The following ANKRD42 variants were observed in gnomAD, a reference collection of about 807,000 sequenced individuals.
ANKRD42 encodes ankyrin repeat domain-containing protein 42.
Under a neutral mutation model 51.5 loss-of-function variants are expected in ANKRD42, and 43 were observed. That is an observed-to-expected ratio of 0.83 (90% CI 0.65 to 1.08). The LOEUF (loss-of-function observed/expected upper bound fraction) is 1.08, where lower values mean the gene tolerates loss of function less well. Among genes scored for constraint, ANKRD42 ranks in the 50% least tolerant of loss-of-function variants. ANKRD42 has a pLI of 0.00. For synonymous variants in ANKRD42, 203 were observed against 213.0 expected (o/e 0.95, Z 0.41); for missense variants, 608 against 629.3 (o/e 0.97, Z 0.36).
chr11:83,217,637 C>G (rs1862583076), intron 5 of ANKRD42, among the ~76,000 whole-genome samples: 1 of 152,196 alleles, frequency 6.6e-6, no homozygotes, highest in Admixed American at 6.5e-5. Flanking sequence ...CCCTGGCCAC[C>G]CTCAGGCCTG....
intron 2 of ANKRD42, among the ~76,000 whole-genome samples, chr11:83,199,677 A>G (rs907193183): frequency 4.6e-5 from 7 of 152,172 alleles, no homozygotes; most frequent in Non-Finnish European, 7.3e-5. Flanking sequence ...GGCTTATTTT[A>G]GCTACATTTC....
At chr11:83,232,693 A>G (rs1166194654) in intron 7 of ANKRD42, among the ~76,000 whole-genome samples, 1 of 151,940 alleles carries the variant, frequency 6.6e-6, no homozygotes, top group Non-Finnish European at 1.5e-5. Flanking sequence ...GTGCTTTCAT[A>G]TTCACTATTA....
At chr11:83,201,588 A>G (rs1861873420) in intron 2 of ANKRD42, among the ~76,000 whole-genome samples, 1 of 152,238 alleles carries the variant, frequency 6.6e-6, no homozygotes, top group Non-Finnish European at 1.5e-5. Flanking sequence ...ACTGTCTTCC[A>G]CAATGGTTAA....
intron 7 of ANKRD42, among the ~76,000 whole-genome samples, chr11:83,229,668 T>C (rs987722112): frequency 2.0e-5 from 3 of 152,072 alleles, no homozygotes; most frequent in Non-Finnish European, 4.4e-5. Flanking sequence ...AATATAGATG[T>C]TGGAAGTTGG....
At chr11:83,253,652 C>G (rs1174945888), downstream of ANKRD42, among the ~76,000 whole-genome samples, 1 of 152,266 alleles carries the variant, frequency 6.6e-6, no homozygotes, top group African/African-American at 2.4e-5. Context: ...TCTTAATATA[C>G]AGTTCTATTG....
chr11:83,224,668 A>C (rs1440230455), intron 5 of ANKRD42, among the ~76,000 whole-genome samples, 187 bp from the exon 6 acceptor site: 1 of 152,080 alleles, frequency 6.6e-6, no homozygotes, highest in African/African-American at 2.4e-5. Flanking sequence ...CTGTACTCCC[A>C]GCTACTTGGG....
At chr11:83,222,369 A>G (rs1052986833) in intron 5 of ANKRD42, among the ~76,000 whole-genome samples, 5 of 152,252 alleles carry the variant, frequency 3.3e-5, no homozygotes. Flanking sequence ...AATAAAAGAC[A>G]AAGTCCTGCC....
chr11:83,229,356 T>C (rs1020221335), intron 7 of ANKRD42, among the ~76,000 whole-genome samples: 4 of 152,156 alleles, frequency 2.6e-5, no homozygotes, highest in Non-Finnish European at 1.5e-5. Context: ...CTTTAACATA[T>C]GAATTTTGAG....
chr11:83,228,452 A>G (rs980063223), intron 7 of ANKRD42, among the ~76,000 whole-genome samples: 1 of 150,190 alleles, frequency 6.7e-6, no homozygotes, highest in African/African-American at 2.4e-5. Context: ...CTGATCTTGA[A>G]CTCCTGGCCT....
At position 83,196,633 on chromosome 11, in the gene ANKRD42, G is replaced by A. The variant is rs73512675; in HGVS notation, c.59-1846G>A. Among the ~76,000 whole-genome samples the A allele has an allele frequency of 1.1e-3, 170 of 152,210 alleles. 1 individual carries two copies. The highest frequency in any genetic ancestry group is 3.9e-3 in the African/African-American group (164 of 41,544). On this transcript the variant is annotated intron_variant, in intron 1 of 10. Transcript: ENST00000533342. ...ACAGGTTCCTATGAATATTTCCATC[G>A]TTGCTTTTACCACATTATTTTGTAT...
intron 6 of ANKRD42, 139 bp from the exon 7 acceptor site, chr11:83,227,608 G>A: frequency 1.4e-6 from 1 of 729,256 alleles, no homozygotes; most frequent in Non-Finnish European, 2.2e-6. Context: ...CTTTTTACTG[G>A]TAGTCATCAA....
rs1861500159 is a variant in ANKRD42, at chr11:83,193,736, G to C, written c.-935G>C. 2.4e-6 allele frequency: 1 copy of C among 416,362 alleles called. No homozygotes were observed. Among genetic ancestry groups the C allele is most frequent in the African/African-American group, 2.1e-5 (1 of 47,824 alleles). 25.8% of individuals were successfully genotyped at this position (416,362 alleles called of 1,614,324 possible). ...TACTCGTTTCCAAGGCGACGGCCCTGCTGCCTCTCCAGCCAAGTGGCTGGA... is the reference window on the plus strand; with the variant it reads ...TACTCGTTTCCAAGGCGACGGCCCTCCTGCCTCTCCAGCCAAGTGGCTGGA... On this transcript the variant is annotated 5_prime_UTR_variant, in exon 1 of 11. Coordinates refer to ENST00000533342, the MANE Select transcript of ANKRD42 (RefSeq NM_001300975.2).
chr11:83,240,897 T>C lies in ANKRD42; in HGVS notation c.1158T>C (p.Asp386=), dbSNP rs76769977. ...AGGGAAGCACTGATGCCAAGGATGATTTATGTCTGAGTGACTTGGATAAAA... is the reference window on the plus strand; with the variant it reads ...AGGGAAGCACTGATGCCAAGGATGACTTATGTCTGAGTGACTTGGATAAAA... ...GVEGSTDAKD[D]LCLSDLDKTD... The change falls in exon 9 of 11, where the codon GAT becomes GAC. Residue 386 remains aspartate (D), a synonymous_variant. Coordinates refer to ENST00000533342, the MANE Select transcript of ANKRD42 (RefSeq NM_001300975.2). 745 of 1,614,054 alleles carry C rather than the reference T, an allele frequency of 4.6e-4. 6 individuals carry two copies. The African/African-American group carries it at 9.0e-3, about 19-fold the overall frequency.
chr11:83,215,082 T>A (rs1862480009), intron 5 of ANKRD42: 1 of 152,252 alleles, frequency 6.6e-6, no homozygotes, highest in Non-Finnish European at 1.5e-5. Context: ...GTGTGAATTA[T>A]ATTTCGTTGT....
chr11:83,219,323 A>C (rs1862641648), intron 5 of ANKRD42, among the ~76,000 whole-genome samples: 1 of 152,142 alleles, frequency 6.6e-6, no homozygotes, highest in Non-Finnish European at 1.5e-5. Flanking sequence ...TGTTGAATTT[A>C]TTGTGGTTCT....
intron 6 of ANKRD42, among the ~76,000 whole-genome samples, chr11:83,225,600 A>G (rs1372685201): frequency 1.3e-5 from 2 of 151,562 alleles, no homozygotes; most frequent in Non-Finnish European, 2.9e-5. Context: ...CATAATGAGC[A>G]GTGAATCACT....
At chr11:83,263,503 C>T (rs1864055349), downstream of ANKRD42, among the ~76,000 whole-genome samples, 2 of 152,174 alleles carry the variant, frequency 1.3e-5, no homozygotes, top group Admixed American at 6.5e-5. Flanking sequence ...ATGCCTGGTA[C>T]ATTTTAAGCA....
chr11:83,224,998 A>G lies in ANKRD42; in HGVS notation c.730A>G (p.Ile244Val), dbSNP rs1383437463. Reference protein sequence around the residue: ...DLAQRFFKQNILQFIQGAEYE... With the variant: ...DLAQRFFKQNVLQFIQGAEYE... ...GGCCCAGAGGTTCTTCAAGCAGAAC[A>G]TTTTACAGTTTATCCAGGGGGCTGA... The change falls in exon 6 of 11, where the codon ATT (isoleucine) becomes GTT (valine). Residue 244 changes from isoleucine to valine, a missense_variant. Transcript: ENST00000533342. 7 of 1,613,474 alleles carry G rather than the reference A, an allele frequency of 4.3e-6. No homozygotes were observed. The Middle Eastern group carries it at 5.0e-4, about 114-fold the overall frequency.
chr11:83,225,166 G>A (rs767017663), intron 6 of ANKRD42, 111 bp downstream of exon 6: 97 of 836,908 alleles, frequency 1.2e-4, no homozygotes, highest in Non-Finnish European at 1.5e-4. Context: ...TGTTATATAC[G>A]TTATATGTAA....
Sources: gnomAD v4.1 joint callset for allele counts (sites outside exome capture counted in the v4.1 genomes callset) on GRCh38, gnomAD v4.1.1 for gene constraint, MANE v1.5 for transcripts, NCBI Gene and HGNC (gene_info 2026-07-23, HGNC 2026-07-21) for gene names.